Variants in NAALADL2 observed in about 807,000 individuals in gnomAD.
NAALADL2 encodes N-acetylated alpha-linked acidic dipeptidase like 2, also known as inactive N-acetylated-alpha-linked acidic dipeptidase-like protein 2.
A neutral mutation model predicts 87.2 loss-of-function variants in NAALADL2; 76 were observed. The ratio of observed to expected loss-of-function variants is 0.87; its 90% CI spans 0.72 to 1.05. The LOEUF (loss-of-function observed/expected upper bound fraction) is 1.05. NAALADL2 is among the 50% of genes least tolerant of loss of function. The pLI is 0.00. For missense variants in NAALADL2, 1,089 were observed against 945.8 expected (o/e 1.15, Z -1.99); for synonymous variants, 354 against 331.0 (o/e 1.07, Z -0.75).
chr3:175,442,465 C>T (rs1368141667), intron 5 of NAALADL2, among the ~76,000 whole-genome samples: 1 of 151,928 alleles, frequency 6.6e-6, no homozygotes, highest in Non-Finnish European at 1.5e-5. Flanking sequence ...TAAATTTCAC[C>T]CACAGTAACT....
At chr3:175,706,817 C>T (rs1739793114) in intron 11 of NAALADL2, among the ~76,000 whole-genome samples, 1 of 152,070 alleles carries the variant, frequency 6.6e-6, no homozygotes, top group African/African-American at 2.4e-5. Context: ...CTTGTCTAGT[C>T]ACCTTCACAG....
At chr3:175,768,151 A>G (rs1748993809) in intron 13 of NAALADL2, among the ~76,000 whole-genome samples, 1 of 152,118 alleles carries the variant, frequency 6.6e-6, no homozygotes, top group Non-Finnish European at 1.5e-5. Context: ...ATACGTGTCC[A>G]TATCAAACAA....
upstream of NAALADL2, among the ~76,000 whole-genome samples, chr3:174,857,782 G>A (rs896635492): frequency 1.3e-5 from 2 of 152,042 alleles, no homozygotes; most frequent in African/African-American, 4.8e-5. Flanking sequence ...TATAAAGAGA[G>A]AATGGGTTTT....
In NAALADL2 at chr3:175,505,864, CAAAG is replaced by C. The variant is rs548648714; in HGVS notation, c.1653+34108_1653+34111del. On this transcript the variant is annotated intron_variant, in intron 9 of 13. Transcript: ENST00000454872. ...CTCCATTCACTTTAGATTCAGCTAC[CAAAG>C]ACTTACATCATTGGATTTTTTAAAA... Among the ~76,000 whole-genome samples the C allele has an allele frequency of 1.7e-3, 257 of 152,238 alleles. 1 individual carries two copies. The highest frequency in any genetic ancestry group is 5.9e-3 in the African/African-American group (243 of 41,526).
chr3:174,915,356 A>C (rs1304401216), intron 1 of NAALADL2, among the ~76,000 whole-genome samples: 1 of 152,162 alleles, frequency 6.6e-6, no homozygotes, highest in African/African-American at 2.4e-5. Context: ...GTAATTAGAC[A>C]TACTGAAGTT....
At chr3:174,465,537 G>T (rs1002048860) in intron 1 of NAALADL2, among the ~76,000 whole-genome samples, 1 of 152,062 alleles carries the variant, frequency 6.6e-6, no homozygotes, top group African/African-American at 2.4e-5. Context: ...CCAAATAGTT[G>T]TTAGGTTTGA....
At chr3:175,752,393 G>C in intron 12 of NAALADL2, among the ~76,000 whole-genome samples, 1 of 152,030 alleles carries the variant, frequency 6.6e-6, no homozygotes, top group Non-Finnish European at 1.5e-5. Context: ...TATTCTAGTA[G>C]GGATCCTAAG....
chr3:175,516,941 T>C (rs539423100), intron 9 of NAALADL2, among the ~76,000 whole-genome samples: 6 of 152,336 alleles, frequency 3.9e-5, no homozygotes, highest in Non-Finnish European at 7.3e-5. Flanking sequence ...GTGCCACTTT[T>C]GGAGATGATA....
At chr3:174,590,541 T>G (rs1374511094) in intron 2 of NAALADL2, among the ~76,000 whole-genome samples, 1 of 152,140 alleles carries the variant, frequency 6.6e-6, no homozygotes, top group African/African-American at 2.4e-5. Context: ...TATATTAAAT[T>G]TTAAAGTATA....
At chr3:174,518,367 G>A (rs1415269460) in intron 1 of NAALADL2, among the ~76,000 whole-genome samples, 6 of 152,040 alleles carry the variant, frequency 3.9e-5, no homozygotes, top group Admixed American at 3.9e-4. Context: ...GGAGGCTTAG[G>A]GATAGTTTTT....
chr3:174,494,621 TA>T (rs71162392), intron 1 of NAALADL2, among the ~76,000 whole-genome samples: 50,849 of 148,230 alleles, frequency 0.34, 9,928 homozygotes, highest in African/African-American at 0.54. Context: ...CTTAAAGTAT[TA>T]AAAAAAAAAA....
intron 3 of NAALADL2, among the ~76,000 whole-genome samples, chr3:174,845,407 GAGTT>G (rs1724507760): frequency 6.6e-6 from 1 of 152,228 alleles, no homozygotes; most frequent in Non-Finnish European, 1.5e-5. Context: ...GGGCACATGA[GAGTT>G]AGGCAGCTGA....
intron 5 of NAALADL2, among the ~76,000 whole-genome samples, chr3:175,351,405 G>C (rs1763759269): frequency 1.3e-5 from 2 of 151,750 alleles, no homozygotes; most frequent in African/African-American, 4.8e-5. Flanking sequence ...ATACATATAT[G>C]ATAACATTAT....
chr3:174,505,482 A>G (rs1001698025), intron 1 of NAALADL2, among the ~76,000 whole-genome samples: 1 of 152,220 alleles, frequency 6.6e-6, no homozygotes, highest in Non-Finnish European at 1.5e-5. Context: ...TTTCTCAAAT[A>G]AGCCACAAAC....
intron 2 of NAALADL2, among the ~76,000 whole-genome samples, chr3:174,569,146 A>C (rs1714630891): frequency 1.3e-5 from 2 of 151,874 alleles, no homozygotes; most frequent in African/African-American, 4.8e-5. Context: ...TAAAATGAAA[A>C]GATTGTAAGA....
At chr3:175,192,162 T>C (rs7615453) in intron 2 of NAALADL2, among the ~76,000 whole-genome samples, 39,630 of 151,912 alleles carry the variant, frequency 0.26, 5,986 homozygotes, top group South Asian at 0.34. Flanking sequence ...TCCTGGAAAT[T>C]GTTGCAAGAT....
At chr3:175,668,614 T>A (rs1351068993) in intron 11 of NAALADL2, among the ~76,000 whole-genome samples, 1 of 152,140 alleles carries the variant, frequency 6.6e-6, no homozygotes, top group Non-Finnish European at 1.5e-5. Flanking sequence ...TTAAGTTTGT[T>A]TCTATGTCCA....
intron 11 of NAALADL2, among the ~76,000 whole-genome samples, chr3:175,640,874 T>C (rs1729193700): frequency 6.6e-6 from 1 of 152,158 alleles, no homozygotes; most frequent in Admixed American, 6.5e-5. Flanking sequence ...TTAATTTATG[T>C]CCCAATAAGC....
intron 1 of NAALADL2, among the ~76,000 whole-genome samples, chr3:174,924,754 C>T (rs1360846985): frequency 6.6e-6 from 1 of 152,160 alleles, no homozygotes; most frequent in African/African-American, 2.4e-5. Flanking sequence ...GATCACCATT[C>T]TAATTGGTGT....
Sources: allele counts gnomAD v4.1 joint callset (sites outside exome capture counted in the v4.1 genomes callset), GRCh38; gene constraint gnomAD v4.1.1; transcripts MANE v1.5; gene names NCBI Gene and HGNC (gene_info 2026-07-23, HGNC 2026-07-21).